Variants in GTF2E2 observed in about 807,000 individuals in gnomAD.
GTF2E2 encodes the protein general transcription factor IIE subunit 2.
A neutral mutation model predicts 40.5 loss-of-function variants in GTF2E2; 21 were observed. The observed-to-expected ratio is 0.52, with a 90% CI of 0.37 to 0.75. The LOEUF (loss-of-function observed/expected upper bound fraction) is 0.75, where lower values mean the gene tolerates loss of function less well. GTF2E2 is among the 30% of genes least tolerant of loss of function. The pLI is 0.00. For synonymous variants in GTF2E2, 117 were observed against 121.6 expected (o/e 0.96, Z 0.25); for missense variants, 298 against 338.4 (o/e 0.88, Z 0.94).
At chr8:30,611,560 A>G (rs536280584) in intron 5 of GTF2E2, among the ~76,000 whole-genome samples, 2 of 152,336 alleles carry the variant, frequency 1.3e-5, no homozygotes, top group African/African-American at 2.4e-5. Flanking sequence ...AAATTCACCA[A>G]CTGGGCTTAA....
At chr8:30,629,399 T>G (rs2151143093) in intron 3 of GTF2E2, among the ~76,000 whole-genome samples, 1 of 152,138 alleles carries the variant, frequency 6.6e-6, no homozygotes, top group East Asian at 1.9e-4. Flanking sequence ...CTTGAAGGGC[T>G]TTTTTAAAAA....
intron 3 of GTF2E2, among the ~76,000 whole-genome samples, chr8:30,631,228 T>C (rs570260554): frequency 2.0e-5 from 3 of 152,292 alleles, no homozygotes; most frequent in East Asian, 3.9e-4. Flanking sequence ...TTTCACCATG[T>C]TGGCCAGGCT....
intron 3 of GTF2E2, among the ~76,000 whole-genome samples, chr8:30,621,468 A>G (rs967397926): frequency 6.6e-6 from 1 of 152,130 alleles, no homozygotes; most frequent in Non-Finnish European, 1.5e-5. Flanking sequence ...TCCCTTCCTC[A>G]TAGATCAGGA....
intron 7 of GTF2E2, 72 bp downstream of exon 7, chr8:30,580,209 G>A (rs546898621): frequency 1.2e-6 from 1 of 838,312 alleles, no homozygotes; most frequent in South Asian, 1.5e-5. Flanking sequence ...CAGCTCTTCA[G>A]AGGGCAGAAA....
Position 30,642,025 on chromosome 8 carries a change from A to G in GTF2E2, c.167-6902T>C, listed in dbSNP as rs567769694. Among the ~76,000 whole-genome samples, 30 of 152,368 alleles carry G rather than the reference A, an allele frequency of 2.0e-4. 2 individuals carry two copies. Among genetic ancestry groups the G allele is most frequent in the Admixed American group, 1.7e-3 (26 of 15,304 alleles). On this transcript the variant is annotated intron_variant, in intron 2 of 7. Transcript: ENST00000355904. ...TAAAGTATACAGTCTAACAAAAATGACAGTGTTTCCTAATCCCAATTTGAA... is the reference window on the plus strand; with the variant it reads ...TAAAGTATACAGTCTAACAAAAATGGCAGTGTTTCCTAATCCCAATTTGAA...
intron 3 of GTF2E2, among the ~76,000 whole-genome samples, chr8:30,628,713 C>A (rs190487853): frequency 7.4e-4 from 113 of 152,252 alleles, no homozygotes; most frequent in Non-Finnish European, 1.2e-3. Context: ...AGGCAGATCA[C>A]GAAGTTAGGA....
chr8:30,645,337 A>T lies in GTF2E2; in HGVS notation c.166+8096T>A, dbSNP rs779273852. 1.0e-4 allele frequency: 158 copies of T among 1,535,540 alleles called. No homozygotes were observed. The highest frequency in any genetic ancestry group is 1.3e-4 in the Non-Finnish European group (153 of 1,146,896). On this transcript the variant is annotated intron_variant, in intron 2 of 7. Coordinates refer to ENST00000355904, the MANE Select transcript of GTF2E2 (RefSeq NM_002095.6). ...GGCTTCCAGCCACTGGAATGAAACC[A>T]CTACCTCTGTTTATCAGTACCTTGG...
chr8:30,581,667 T>C (rs1828518001), intron 6 of GTF2E2, among the ~76,000 whole-genome samples: 1 of 152,250 alleles, frequency 6.6e-6, no homozygotes, highest in South Asian at 2.1e-4. Flanking sequence ...TTAGGGGTTC[T>C]TTCTACTACA....
intron 2 of GTF2E2, among the ~76,000 whole-genome samples, chr8:30,636,772 G>A (rs1216314878): frequency 1.3e-5 from 2 of 151,468 alleles, no homozygotes; most frequent in African/African-American, 4.9e-5. Context: ...AGAATCACTT[G>A]AACGAGAGAG....
intron 6 of GTF2E2, among the ~76,000 whole-genome samples, chr8:30,586,227 A>G (rs1273741256): frequency 1.3e-5 from 2 of 152,212 alleles, no homozygotes; most frequent in Non-Finnish European, 2.9e-5. Flanking sequence ...AGAAAATAGG[A>G]CATTTCTCAA....
At chr8:30,609,983 G>A (rs2151126907) in intron 5 of GTF2E2, among the ~76,000 whole-genome samples, 1 of 152,270 alleles carries the variant, frequency 6.6e-6, no homozygotes, top group Non-Finnish European at 1.5e-5. Context: ...GCTTCCTGGA[G>A]AGCCTGCAGA....
At chr8:30,649,229 G>A (rs565308190) in intron 2 of GTF2E2, among the ~76,000 whole-genome samples, 1 of 152,038 alleles carries the variant, frequency 6.6e-6, no homozygotes, top group South Asian at 2.1e-4. Context: ...ACAGCTTGTA[G>A]GATGTGTAAA....
At chr8:30,625,878 C>A (rs537005325) in intron 3 of GTF2E2, among the ~76,000 whole-genome samples, 2 of 152,154 alleles carry the variant, frequency 1.3e-5, no homozygotes, top group African/African-American at 4.8e-5. Flanking sequence ...GGATTACAGG[C>A]GTGAGCCACC....
intron 6 of GTF2E2, among the ~76,000 whole-genome samples, chr8:30,604,338 T>G (rs150401368): frequency 1.3e-5 from 2 of 152,278 alleles, no homozygotes; most frequent in African/African-American, 4.8e-5. Context: ...CACCATATAT[T>G]AAATAAGTTA....
intron 3 of GTF2E2, among the ~76,000 whole-genome samples, chr8:30,627,194 C>A (rs1011730398): frequency 7.2e-5 from 11 of 152,086 alleles, no homozygotes; most frequent in African/African-American, 2.4e-4. Context: ...AATAAACTGA[C>A]AAACAGCTTG....
intron 6 of GTF2E2, among the ~76,000 whole-genome samples, chr8:30,597,702 T>C (rs1829053371): frequency 6.6e-6 from 1 of 152,210 alleles, no homozygotes; most frequent in Admixed American, 6.5e-5. Context: ...CTGGGGTTTG[T>C]TGTTGCTGTC....
At chr8:30,585,802 A>C (rs1034683799) in intron 6 of GTF2E2, among the ~76,000 whole-genome samples, 2 of 114,784 alleles carry the variant, frequency 1.7e-5, no homozygotes, top group South Asian at 3.1e-4. Context: ...AAAAAAAAAA[A>C]GGCCAGGCCC....
chr8:30,653,643 C>A lies in GTF2E2; in HGVS notation c.-4-41G>T. 2.1e-6 allele frequency: 3 copies of A among 1,427,708 alleles called. No individual in the cohort carries two copies. The South Asian group carries it at 3.6e-5, about 17-fold the overall frequency. The allele number at this position is 1,427,708 out of a possible 1,614,324, so 88.4% of individuals were successfully genotyped here. A position where few individuals can be genotyped will look rare whatever the true frequency, so the allele number is the denominator to read the frequency against. On this transcript the variant is annotated intron_variant, in intron 1 of 7. Coordinates refer to ENST00000355904, the MANE Select transcript of GTF2E2 (RefSeq NM_002095.6). Reference sequence around the variant, plus strand: ...AAGTGTCTTTAATACAAATTCAAGTCACTCAAACCTGCACTCCAAATCCAC... The same window carrying A: ...AAGTGTCTTTAATACAAATTCAAGTAACTCAAACCTGCACTCCAAATCCAC...
intron 6 of GTF2E2, among the ~76,000 whole-genome samples, chr8:30,581,506 A>T (rs1828514375): frequency 6.6e-6 from 1 of 152,222 alleles, no homozygotes; most frequent in Non-Finnish European, 1.5e-5. Flanking sequence ...ATACCATGGA[A>T]ATCGGTTTAC....
Sources: gnomAD v4.1 joint callset for allele counts (sites outside exome capture counted in the v4.1 genomes callset) on GRCh38, gnomAD v4.1.1 for gene constraint, MANE v1.5 for transcripts, NCBI Gene and HGNC (gene_info 2026-07-23, HGNC 2026-07-21) for gene names.